Variants in DLGAP1 observed in about 807,000 individuals in gnomAD.
DLGAP1 encodes the protein disks large-associated protein 1.
A neutral mutation model predicts 90.8 loss-of-function variants in DLGAP1; 11 were observed. The observed-to-expected ratio is 0.12, with a 90% confidence interval of 0.08 to 0.20. The LOEUF is 0.20. Among genes scored for constraint, DLGAP1 ranks in the 10% least tolerant of loss-of-function variants. The pLI is 1.00. For synonymous variants in DLGAP1, 558 were observed against 540.7 expected, an observed-to-expected ratio of 1.03 and a Z score of -0.44; for missense variants, 1,050 against 1,333.8, an observed-to-expected ratio of 0.79 and a Z score of 3.31.
chr18:4,180,234 T>C (rs1433145231), intron 1 of DLGAP1, among the ~76,000 whole-genome samples: 5 of 152,176 alleles, frequency 3.3e-5, no homozygotes, highest in African/African-American at 1.2e-4. Context: ...CTTGTTTGGA[T>C]TGTTCCCCAG....
intron 3 of DLGAP1, among the ~76,000 whole-genome samples, chr18:3,917,640 T>C (rs9955383): frequency 0.056 from 8,534 of 152,282 alleles, 754 homozygotes; most frequent in African/African-American, 0.19. Context: ...TCAACCATCA[T>C]TTGCTATCAA....
rs1392523480 is a variant in DLGAP1, at chr18:3,583,172, A to ACCTT, written c.1592-925_1592-924insAAGG. Among the ~76,000 whole-genome samples, 617 of 124,726 alleles carry ACCTT rather than the reference A, an allele frequency of 4.9e-3. 6 individuals are homozygous for ACCTT. The highest frequency in any genetic ancestry group is 0.019 in the African/African-American group (573 of 30,766). 81.8% of individuals were successfully genotyped at this position (124,726 alleles called of 152,430 possible). A position where few individuals can be genotyped will look rare whatever the true frequency, so the allele number is the denominator to read the frequency against. ...TACCTACCTACCTACCTACCTACCTACCTACCTACCTACCTTCCTTCCTTC... is the reference window on the plus strand; with the variant it reads ...TACCTACCTACCTACCTACCTACCTACCTTCCTACCTACCTACCTTCCTTCCTTC... On this transcript the variant is annotated intron_variant, in intron 7 of 12. Transcript: ENST00000315677.
At chr18:3,615,463 C>G (rs950695609) in intron 7 of DLGAP1, among the ~76,000 whole-genome samples, 4 of 152,008 alleles carry the variant, frequency 2.6e-5, no homozygotes, top group African/African-American at 9.7e-5. Flanking sequence ...AACTGGGTCA[C>G]AAGAAGATAA....
At chr18:4,256,053 T>C (rs2078881782) in intron 1 of DLGAP1, among the ~76,000 whole-genome samples, 1 of 152,204 alleles carries the variant, frequency 6.6e-6, no homozygotes, top group Admixed American at 6.5e-5. Flanking sequence ...ATGTAGATGC[T>C]AATTCAAGCT....
chr18:4,075,659 G>A (rs921204092), intron 2 of DLGAP1, among the ~76,000 whole-genome samples: 61 of 152,232 alleles, frequency 4.0e-4, no homozygotes, highest in African/African-American at 1.4e-3. Flanking sequence ...GGCATTATTA[G>A]GCTAGAAAAC....
intron 1 of DLGAP1, among the ~76,000 whole-genome samples, chr18:4,290,905 T>C (rs1415862819): frequency 6.6e-6 from 1 of 152,138 alleles, no homozygotes; most frequent in Non-Finnish European, 1.5e-5. Context: ...CTGTACGGAG[T>C]GCTCAGCGTG....
At chr18:3,795,347 C>T (rs915444715) in intron 5 of DLGAP1, among the ~76,000 whole-genome samples, 2 of 152,126 alleles carry the variant, frequency 1.3e-5, no homozygotes, top group African/African-American at 4.8e-5. Context: ...GACAGGGTCT[C>T]TCTCTGTTGC....
intron 1 of DLGAP1, among the ~76,000 whole-genome samples, chr18:4,332,230 A>G (rs1211748852): frequency 2.0e-5 from 3 of 151,954 alleles, no homozygotes; most frequent in African/African-American, 7.3e-5. Context: ...GTTCATATAC[A>G]TGTACGGTTA....
intron 1 of DLGAP1, among the ~76,000 whole-genome samples, chr18:4,236,440 T>C (rs991558828): frequency 6.6e-6 from 1 of 152,102 alleles, no homozygotes; most frequent in Non-Finnish European, 1.5e-5. Flanking sequence ...TAGAAGGAGA[T>C]TGCAATCATT....
intron 2 of DLGAP1, among the ~76,000 whole-genome samples, chr18:4,111,732 T>C (rs2075976339): frequency 6.6e-6 from 1 of 152,056 alleles, no homozygotes. Context: ...CACACATTAT[T>C]ATATAATGTT....
chr18:4,255,507 A>AT (rs1320494161), intron 1 of DLGAP1, among the ~76,000 whole-genome samples: 14 of 140,818 alleles, frequency 9.9e-5, no homozygotes, highest in African/African-American at 4.3e-4. Context: ...AGATGAAAAA[A>AT]AAAATATATA....
intron 1 of DLGAP1, among the ~76,000 whole-genome samples, chr18:4,202,796 A>C (rs1379804938): frequency 1.3e-5 from 2 of 152,218 alleles, no homozygotes; most frequent in African/African-American, 4.8e-5. Context: ...GAGTGGTTTT[A>C]CAATAAGATT....
At chr18:4,279,367 G>T (rs1406567408) in intron 1 of DLGAP1, among the ~76,000 whole-genome samples, 1 of 152,092 alleles carries the variant, frequency 6.6e-6, no homozygotes, top group Non-Finnish European at 1.5e-5. Flanking sequence ...CTCTTGCCTT[G>T]GGCATTTTAG....
At chr18:3,773,717 T>C (rs2064807043) in intron 5 of DLGAP1, among the ~76,000 whole-genome samples, 1 of 152,346 alleles carries the variant, frequency 6.6e-6, no homozygotes, top group East Asian at 1.9e-4. Context: ...CTATTTGTTT[T>C]TAACTGATTT....
intron 2 of DLGAP1, among the ~76,000 whole-genome samples, chr18:4,147,351 A>T (rs184684858): frequency 3.9e-5 from 6 of 152,320 alleles, no homozygotes; most frequent in Admixed American, 6.5e-5. Context: ...ATTAAAGAGC[A>T]CAATACCCGG....
intron 1 of DLGAP1, among the ~76,000 whole-genome samples, chr18:4,361,380 C>T (rs955574562): frequency 1.3e-5 from 2 of 152,070 alleles, no homozygotes; most frequent in South Asian, 2.1e-4. Flanking sequence ...GTAATCAAAA[C>T]ATTGTGGTAC....
intron 3 of DLGAP1, among the ~76,000 whole-genome samples, chr18:3,881,039 T>C (rs1268298063): frequency 6.7e-6 from 1 of 149,160 alleles, no homozygotes; most frequent in African/African-American, 2.5e-5. Flanking sequence ...TTTGAAACAA[T>C]AACTCTCCTT....
intron 3 of DLGAP1, among the ~76,000 whole-genome samples, chr18:3,998,252 ATGTT>A (rs2074109359): frequency 6.6e-6 from 1 of 152,194 alleles, no homozygotes; most frequent in African/African-American, 2.4e-5. Flanking sequence ...GTTAGGAAAA[ATGTT>A]TGATCTCTTC....
chr18:3,595,183 C>T (rs1182717574), intron 7 of DLGAP1, among the ~76,000 whole-genome samples: 1 of 152,190 alleles, frequency 6.6e-6, no homozygotes, highest in East Asian at 1.9e-4. Flanking sequence ...CATTGAGAGG[C>T]GGGCACCCCT....
Sources: gnomAD v4.1 joint callset for allele counts (sites outside exome capture counted in the v4.1 genomes callset) on GRCh38, gnomAD v4.1.1 for gene constraint, MANE v1.5 for transcripts, NCBI Gene and HGNC (gene_info 2026-07-23, HGNC 2026-07-21) for gene names.